Variants in ANKRD26 observed in about 807,000 individuals in gnomAD.
ANKRD26 encodes the protein ankyrin repeat domain 26, also known as ankyrin repeat domain-containing protein 26.
A neutral mutation model predicts 208.7 loss-of-function variants in ANKRD26; 141 were observed. That is an observed-to-expected ratio of 0.68 (90% confidence interval 0.59 to 0.78). The LOEUF is 0.78. ANKRD26 is among the 30% of genes least tolerant of loss of function. The pLI is 0.00. For missense variants in ANKRD26, 1,889 were observed against 1,938.7 expected (o/e 0.97, Z 0.48); for synonymous variants, 636 against 660.4 (o/e 0.96, Z 0.57).
chr10:26,948,856 G>A, the ANKRD26 span, among the ~76,000 whole-genome samples: 1 of 152,128 alleles, frequency 6.6e-6, no homozygotes. Context: ...TTAGCTGGGC[G>A]TGGTGGTGGT....
intron 31 of ANKRD26, among the ~76,000 whole-genome samples, chr10:27,013,435 T>C (rs1235590687): frequency 3.3e-5 from 5 of 152,204 alleles, no homozygotes; most frequent in African/African-American, 1.2e-4. Flanking sequence ...ACTGGTAAGA[T>C]TCCTGAGGAT....
chr10:26,988,878 T>C (rs1423096600), downstream of ANKRD26, among the ~76,000 whole-genome samples: 1 of 77,652 alleles, frequency 1.3e-5, no homozygotes, highest in African/African-American at 4.1e-5. Context: ...AGACCTCTTC[T>C]CAAAAAAAAA....
intron 28 of ANKRD26, 111 bp from the exon 29 acceptor site, chr10:27,022,798 T>G: frequency 9.8e-7 from 1 of 1,018,836 alleles, no homozygotes; most frequent in Non-Finnish European, 1.4e-6. Flanking sequence ...GAATCATGAT[T>G]CTCTCGTTTA....
At chr10:26,996,204 T>C (rs1246682728) in intron 4 of ANKRD26, among the ~76,000 whole-genome samples, 1 of 152,102 alleles carries the variant, frequency 6.6e-6, no homozygotes, top group Admixed American at 6.5e-5. Flanking sequence ...CCCAGCACTT[T>C]GGGAGATCAA....
intron 7 of ANKRD26, among the ~76,000 whole-genome samples, chr10:27,078,563 T>C (rs753128524): frequency 2.6e-5 from 4 of 152,182 alleles, no homozygotes; most frequent in South Asian, 2.1e-4. Flanking sequence ...CTTTTGTTCA[T>C]AGGATATCCC....
At chr10:27,063,705 A>C (rs935061174) in intron 12 of ANKRD26, among the ~76,000 whole-genome samples, 1 of 151,014 alleles carries the variant, frequency 6.6e-6, no homozygotes. Flanking sequence ...TGCCTTCCTC[A>C]CTCTCATGTC....
At position 27,088,432 on chromosome 10, in the gene ANKRD26, C is replaced by A. The variant is rs550563193; in HGVS notation, c.639-1823G>T. On this transcript the variant is annotated intron_variant, in intron 4 of 33. Coordinates refer to ENST00000376087, the MANE Select transcript of ANKRD26 (RefSeq NM_014915.3). ...ATGTGCTGCTGAAGCAAGCACAAAA[C>A]CCGACTTTTATACATGGATACTGAT... is the stretch of plus-strand genomic sequence containing the variant. 7 of 152,284 alleles carry A rather than the reference C, an allele frequency of 4.6e-5. No homozygotes were observed. In the South Asian group the frequency reaches 1.4e-3, roughly 32 times the overall value. 9.4% of individuals were successfully genotyped at this position (152,284 alleles called of 1,614,324 possible).
At chr10:27,083,833 C>T (rs535069598) in intron 5 of ANKRD26, among the ~76,000 whole-genome samples, 29 of 152,306 alleles carry the variant, frequency 1.9e-4, no homozygotes, top group African/African-American at 7.0e-4. Flanking sequence ...TAAAGGTTTA[C>T]GGAAGCACAG....
rs186586712 is a variant in ANKRD26 at position 27,056,842 on chromosome 10, G to A, written c.1565-3452C>T. On this transcript the variant is annotated intron_variant, in intron 15 of 33. Transcript: ENST00000376087. ...TATGAAGCCAAGCAAAGGTACTCTA[G>A]GACTGAATTCTCTGTGCTTCTGTGT... 2.6e-5 allele frequency among the ~76,000 whole-genome samples: 4 copies of A among 152,200 alleles called. 1 individual carries two copies. Among genetic ancestry groups the A allele is most frequent in the African/African-American group, 9.6e-5 (4 of 41,548 alleles).
the ANKRD26 span, among the ~76,000 whole-genome samples, chr10:26,957,106 TC>T: frequency 3.3e-5 from 5 of 152,174 alleles, no homozygotes; most frequent in African/African-American, 7.2e-5. Context: ...GTACAACATG[TC>T]AGTATAAAAG....
intron 31 of ANKRD26, among the ~76,000 whole-genome samples, 165 bp downstream of exon 31, chr10:27,014,329 G>C (rs1455272724): frequency 6.6e-6 from 1 of 150,928 alleles, no homozygotes; most frequent in Non-Finnish European, 1.5e-5. Flanking sequence ...GACATAAACT[G>C]TCCTGGACTC....
Position 27,017,742 on chromosome 10 carries a change from A to T in ANKRD26, c.4266T>A (p.His1422Gln). The stretch of plus-strand genomic sequence containing the variant: ...GAAGAATTTGGTTCTTTGTATCCAG[A>T]TGTAGACATTTTGAACCTGCAGTCT... ...ELETAGSKCLHLDTKNQILQE... is the reference protein window; with the variant it reads ...ELETAGSKCLQLDTKNQILQE... The change falls in exon 30 of 34, where the codon CAT (histidine) becomes CAA (glutamine). Residue 1422 changes from histidine (H) to glutamine (Q), a missense_variant. Around this residue, in one of 3 missense-constraint regions of ANKRD26, gnomAD observed 613 missense variants for 648.2 expected, o/e 0.95. Transcript: ENST00000376087. The T allele has an allele frequency of 6.2e-7, 1 of 1,613,312 alleles. No homozygotes were observed. The highest frequency in any genetic ancestry group is 8.5e-7 in the Non-Finnish European group (1 of 1,179,808).
intron 15 of ANKRD26, among the ~76,000 whole-genome samples, chr10:27,055,948 C>T (rs1023111663): frequency 1.3e-5 from 2 of 152,146 alleles, no homozygotes; most frequent in Non-Finnish European, 2.9e-5. Flanking sequence ...TAGATCTCTA[C>T]CTAGTTTTCC....
chr10:27,035,195 A>G lies in ANKRD26; in HGVS notation c.3255T>C (p.Asp1085=). 1 of 1,614,056 alleles carries G rather than the reference A, an allele frequency of 6.2e-7. No homozygotes were observed. Among genetic ancestry groups the G allele is most frequent in the African/African-American group, 1.3e-5 (1 of 75,042 alleles). ...SLEIEFHHTR[D]ALREKTLGLE... is the part of the protein sequence containing the mutation. ...AACCCAAAGTCTTTTCTCTGAGGGC[A>G]TCTCTCGTGTGATGGAACTCAATTT... The change falls in exon 24 of 34, where the codon GAT becomes GAC. Residue 1085 remains aspartate (D), a synonymous_variant. Transcript: ENST00000376087.
At chr10:27,042,180 A>T in intron 20 of ANKRD26, among the ~76,000 whole-genome samples, 1 of 152,202 alleles carries the variant, frequency 6.6e-6, no homozygotes, top group East Asian at 1.9e-4. Context: ...ACAAAGGCAC[A>T]ATGGCAAATG....
At chr10:27,034,660 G>C in intron 24 of ANKRD26, 136 bp downstream of exon 24, 1 of 562,376 alleles carries the variant, frequency 1.8e-6, no homozygotes. Context: ...TTTATTTGCT[G>C]AAAACAAGGG....
intron 1 of ANKRD26, among the ~76,000 whole-genome samples, chr10:27,096,710 G>A (rs1471747252): frequency 6.8e-6 from 1 of 146,846 alleles, no homozygotes; most frequent in African/African-American, 2.6e-5. Flanking sequence ...AGGTTACAGT[G>A]AGCCAAGATC....
At chr10:27,047,451 T>C (rs1253719491) in intron 17 of ANKRD26, among the ~76,000 whole-genome samples, 3 of 151,794 alleles carry the variant, frequency 2.0e-5, no homozygotes, top group Non-Finnish European at 4.4e-5. Context: ...AAACCCCATC[T>C]CTACTAGAAA....
chr10:27,024,522 T>C lies in ANKRD26; in HGVS notation c.4010A>G (p.Glu1337Gly), dbSNP rs769044420. Residue 1337 changes from glutamate to glycine, a missense_variant, in exon 28 of 34, where the codon GAA (glutamate) becomes GGA (glycine). Glu to Gly is a moderately conservative substitution (Grantham distance 98). This residue lies in a region of ANKRD26 where 613 missense variants were observed against 648.2 expected (regional missense o/e 0.95). Transcript: ENST00000376087. ...DEKEQLKKLMELKQSLECNLD... is the reference protein window; with the variant it reads ...DEKEQLKKLMGLKQSLECNLD... Reference sequence around the variant, plus strand: ...ATTACATTCCAGTGACTGTTTTAATTCCATAAGTTTCTTTAATTGTTCCTT... The same window carrying C: ...ATTACATTCCAGTGACTGTTTTAATCCCATAAGTTTCTTTAATTGTTCCTT... 1 of 1,583,908 alleles carries C rather than the reference T, an allele frequency of 6.3e-7. No individual in the cohort carries two copies. Among genetic ancestry groups the C allele is most frequent in the Non-Finnish European group, 8.7e-7 (1 of 1,155,008 alleles).
Sources: gnomAD v4.1 joint callset for allele counts (sites outside exome capture counted in the v4.1 genomes callset) on GRCh38, gnomAD v4.1.1 for gene constraint, gnomAD v4.1.1 regional missense constraint, MANE v1.5 for transcripts, NCBI Gene and HGNC (gene_info 2026-07-23, HGNC 2026-07-21) for gene names.